PTPRG: variants seen among roughly 807,000 people sequenced by gnomAD.
PTPRG encodes the protein protein tyrosine phosphatase receptor type G.
PTPRG carries 102 observed loss-of-function variants against 165.3 expected under a neutral mutation model. The observed-to-expected ratio is 0.62, with a 90% CI of 0.53 to 0.73. PTPRG has a LOEUF of 0.73. PTPRG is among the 30% of genes least tolerant of loss of function. The pLI is 0.00. For missense variants in PTPRG, 1,866 were observed against 1,861.4 expected, an observed-to-expected ratio of 1.00 and a Z score of -0.05; for synonymous variants, 675 against 669.5, an observed-to-expected ratio of 1.01 and a Z score of -0.13.
intron 2 of PTPRG, among the ~76,000 whole-genome samples, chr3:61,937,266 G>A (rs6778655): frequency 0.41 from 61,739 of 151,946 alleles, 13,480 homozygotes; most frequent in Non-Finnish European, 0.49. Flanking sequence ...CAGATTTGGC[G>A]TCCCTGGCCT....
At chr3:62,231,335 G>A (rs199651515) in intron 14 of PTPRG, 24 bp downstream of exon 14, 2 of 1,531,018 alleles carry the variant, frequency 1.3e-6, no homozygotes, top group South Asian at 2.6e-5. Context: ...AAGCTTAAGT[G>A]GGGGGCGTCT....
chr3:62,202,008 T>C (rs1246751800), intron 11 of PTPRG, among the ~76,000 whole-genome samples: 1 of 152,166 alleles, frequency 6.6e-6, no homozygotes, highest in Admixed American at 6.5e-5. Flanking sequence ...GTGGTGATAA[T>C]AATAATAGCC....
At position 62,195,033 on chromosome 3, in the gene PTPRG, C is replaced by G. The variant is rs574990270; in HGVS notation, c.1219-29C>G. On this transcript the variant is annotated intron_variant, in intron 9 of 29. Transcript: ENST00000474889. The surrounding 1 kb of genome is among the most constrained non-coding windows in gnomAD (Gnocchi z 4.4). Reference sequence around the variant, plus strand: ...AGTGTGCCTTGGCCTTCAAAACTAACTCACTGCTTTTTCCTTCTTTACTTA... The same window carrying G: ...AGTGTGCCTTGGCCTTCAAAACTAAGTCACTGCTTTTTCCTTCTTTACTTA... 4 of 1,605,602 alleles carry G rather than the reference C, an allele frequency of 2.5e-6. No homozygotes were observed. Among genetic ancestry groups the G allele is most frequent in the Non-Finnish European group, 3.4e-6 (4 of 1,172,402 alleles).
chr3:61,786,226 C>T (rs1430282249), intron 2 of PTPRG, among the ~76,000 whole-genome samples: 2 of 152,210 alleles, frequency 1.3e-5, no homozygotes, highest in East Asian at 1.9e-4. Context: ...TAAAAGAGGG[C>T]AATTTGCATT....
intron 1 of PTPRG, among the ~76,000 whole-genome samples, chr3:61,710,986 T>C (rs960587545): frequency 1.3e-5 from 2 of 151,862 alleles, no homozygotes; most frequent in Non-Finnish European, 2.9e-5. Context: ...GTCTTCTCAC[T>C]GTTCAACTCC....
chr3:62,218,628 A>C (rs1700570842), intron 12 of PTPRG, among the ~76,000 whole-genome samples: 1 of 152,166 alleles, frequency 6.6e-6, no homozygotes, highest in Admixed American at 6.5e-5. Context: ...AAATCCATAT[A>C]ACTGCCAATT....
At chr3:61,758,101 T>C (rs2033693942) in intron 2 of PTPRG, among the ~76,000 whole-genome samples, 1 of 152,236 alleles carries the variant, frequency 6.6e-6, no homozygotes, top group African/African-American at 2.4e-5. Context: ...GGTCTCACTC[T>C]GTCACCCAGG....
intron 9 of PTPRG, among the ~76,000 whole-genome samples, chr3:62,192,356 A>G (rs1699851863): frequency 7.3e-6 from 1 of 137,450 alleles, no homozygotes; most frequent in Admixed American, 7.6e-5. Flanking sequence ...TGCAGAAGCC[A>G]TCTCCTTCCC....
chr3:61,970,901 A>G (rs2040366656), intron 2 of PTPRG, among the ~76,000 whole-genome samples: 2 of 152,146 alleles, frequency 1.3e-5, no homozygotes, highest in South Asian at 4.1e-4. Flanking sequence ...GTGAGTCCAT[A>G]TATGGAAAGT....
At chr3:62,167,011 T>C (rs879273277) in intron 7 of PTPRG, among the ~76,000 whole-genome samples, 1 of 152,110 alleles carries the variant, frequency 6.6e-6, no homozygotes, top group Non-Finnish European at 1.5e-5. Flanking sequence ...AATAGAAATA[T>C]GATTTGGGCA....
chr3:62,159,527 G>C (rs1305556253), intron 7 of PTPRG, among the ~76,000 whole-genome samples: 1 of 152,122 alleles, frequency 6.6e-6, no homozygotes, highest in South Asian at 2.1e-4. Context: ...GTTTTGCCAA[G>C]TGTTTGTCTT....
At chr3:62,108,995 G>A (rs1576012836) in intron 5 of PTPRG, among the ~76,000 whole-genome samples, 1 of 151,522 alleles carries the variant, frequency 6.6e-6, no homozygotes, top group East Asian at 2.0e-4. Flanking sequence ...TCTGTAGGTT[G>A]CCTGTTCACC....
Position 61,999,063 on chromosome 3 carries a change from T to C in PTPRG, c.371-4286T>C, listed in dbSNP as rs564024432. Among the ~76,000 whole-genome samples, 9 of 152,252 alleles carry C rather than the reference T, an allele frequency of 5.9e-5. No homozygotes were observed. The South Asian group carries it at 1.2e-3, about 21-fold the overall frequency. Reference sequence around the variant, plus strand: ...CTGGAGGCCTCTTTTTTTCTTTTTTTTTGGATGATATCTCATTCTGTCACC... The same window carrying C: ...CTGGAGGCCTCTTTTTTTCTTTTTTCTTGGATGATATCTCATTCTGTCACC... On this transcript the variant is annotated intron_variant, in intron 3 of 29. Transcript: ENST00000474889.
intron 1 of PTPRG, chr3:61,742,678 A>G: frequency 1.2e-6 from 2 of 1,605,416 alleles, no homozygotes; most frequent in South Asian, 2.2e-5. Flanking sequence ...TTTGGCCACC[A>G]TGTTTTCGTT....
At chr3:61,672,369 T>C (rs972263608) in intron 1 of PTPRG, among the ~76,000 whole-genome samples, 15 of 136,222 alleles carry the variant, frequency 1.1e-4, no homozygotes, top group Non-Finnish European at 1.1e-4. Context: ...CAAGGCAGGC[T>C]GCTGGGAGGT....
At chr3:61,916,075 G>A (rs2038929336) in intron 2 of PTPRG, among the ~76,000 whole-genome samples, 1 of 152,160 alleles carries the variant, frequency 6.6e-6, no homozygotes, top group Non-Finnish European at 1.5e-5. Context: ...GAATCTTACA[G>A]CACTTAAATC....
intron 1 of PTPRG, among the ~76,000 whole-genome samples, chr3:61,569,616 G>A (rs1209742047): frequency 6.6e-6 from 1 of 152,174 alleles, no homozygotes; most frequent in African/African-American, 2.4e-5. Flanking sequence ...ATTGCTCCTG[G>A]CCACCGTTTT....
chr3:61,646,186 A>C (rs919871596), intron 1 of PTPRG, among the ~76,000 whole-genome samples: 1 of 151,972 alleles, frequency 6.6e-6, no homozygotes, highest in African/African-American at 2.4e-5. Context: ...GCTCACTGCC[A>C]CCTCCACCTC....
chr3:62,024,532 G>A (rs116660765), intron 4 of PTPRG, among the ~76,000 whole-genome samples: 1,526 of 152,256 alleles, frequency 0.01, 14 homozygotes, highest in Non-Finnish European at 0.015. Flanking sequence ...TGCACTTCCT[G>A]TATTTAAGCA....
Sources: allele counts gnomAD v4.1 joint callset (sites outside exome capture counted in the v4.1 genomes callset), GRCh38; gene constraint gnomAD v4.1.1; non-coding constraint Gnocchi (gnomAD v3.1); transcripts MANE v1.5; gene names NCBI Gene and HGNC (gene_info 2026-07-23, HGNC 2026-07-21).